Variants in CFAP54 observed in about 807,000 individuals in gnomAD.
CFAP54 encodes cilia- and flagella-associated protein 54.
In CFAP54, 290 loss-of-function variants were observed where a neutral mutation model predicts 370.4. The ratio of observed to expected loss-of-function variants is 0.78; its 90% CI spans 0.71 to 0.86. CFAP54 has a LOEUF of 0.86. Among genes scored for constraint, CFAP54 ranks in the 40% least tolerant of loss-of-function variants. CFAP54 has a pLI of 0.00. For synonymous variants in CFAP54, 1,206 were observed against 1,236.5 expected (o/e 0.98, Z 0.52); for missense variants, 3,399 against 3,528.7 (o/e 0.96, Z 0.93).
Position 96,689,872 on chromosome 12 carries a change from GAA to G in CFAP54, c.6081+891_6081+892del, listed in dbSNP as rs1045367827. On this transcript the variant is annotated intron_variant, in intron 43 of 67. Transcript: ENST00000524981. Reference sequence around the variant, plus strand: ...GGGCACTCTTGTTCTGTGTATCAGAGAAGTCTCACAGCTTATGAAATCTAAAT... The same window carrying G: ...GGGCACTCTTGTTCTGTGTATCAGAGGTCTCACAGCTTATGAAATCTAAAT... 6.1e-4 allele frequency among the ~76,000 whole-genome samples: 93 copies of G among 152,280 alleles called. 1 individual carries two copies. The highest frequency in any genetic ancestry group is 2.0e-3 in the African/African-American group (83 of 41,560).
Position 96,621,875 on chromosome 12 carries a change from G to GT in CFAP54, c.3771+186dup, listed in dbSNP as rs71068819. Among the ~76,000 whole-genome samples, 235 of 50,008 alleles carry GT rather than the reference G, an allele frequency of 4.7e-3. 11 individuals are homozygous for GT. Among genetic ancestry groups the GT allele is most frequent in the South Asian group, 0.018 (15 of 838 alleles). 32.8% of individuals were successfully genotyped at this position (50,008 alleles called of 152,430 possible). On this transcript the variant is annotated intron_variant, in intron 27 of 67. Transcript: ENST00000524981. The stretch of plus-strand genomic sequence containing the variant: ...ATTATAGTAAAGAGCTTTTGGGTTT[G>GT]TTTTTTTTTTTTTTTTTTTTTTTTT...
At chr12:96,656,796 C>T (rs1047866007) in intron 36 of CFAP54, among the ~76,000 whole-genome samples, 5 of 152,236 alleles carry the variant, frequency 3.3e-5, no homozygotes, top group African/African-American at 1.2e-4. Context: ...CACATCTGTG[C>T]TTCTAGAAGA....
chr12:96,741,406 ACCT>A (rs1297845967), intron 51 of CFAP54, among the ~76,000 whole-genome samples: 4 of 151,996 alleles, frequency 2.6e-5, no homozygotes, highest in Non-Finnish European at 4.4e-5. Flanking sequence ...CAGGTTATTC[ACCT>A]GCCTTGGCCT....
intron 39 of CFAP54, among the ~76,000 whole-genome samples, chr12:96,668,609 T>C (rs560409776): frequency 4.6e-5 from 7 of 152,324 alleles, no homozygotes; most frequent in Admixed American, 2.6e-4. Flanking sequence ...ATGGGGATTA[T>C]GGGAGCTACA....
intron 26 of CFAP54, among the ~76,000 whole-genome samples, chr12:96,619,804 A>G (rs1367254207): frequency 2.0e-5 from 3 of 152,160 alleles, no homozygotes; most frequent in African/African-American, 2.4e-5. Flanking sequence ...GCTCAATTCT[A>G]TTTCCTTATA....
chr12:96,855,173 C>T (rs560742230), intron 66 of CFAP54, among the ~76,000 whole-genome samples: 3 of 152,212 alleles, frequency 2.0e-5, no homozygotes, highest in African/African-American at 7.2e-5. Context: ...ATGGTAACTG[C>T]CCCCATGATT....
chr12:96,566,577 G>T (rs1955867317), intron 19 of CFAP54, among the ~76,000 whole-genome samples: 1 of 152,126 alleles, frequency 6.6e-6, no homozygotes, highest in Non-Finnish European at 1.5e-5. Flanking sequence ...AGGCATGAAG[G>T]CATTTAAAGA....
intron 14 of CFAP54, among the ~76,000 whole-genome samples, chr12:96,543,287 G>T (rs1040655865): frequency 1.3e-5 from 2 of 152,334 alleles, no homozygotes; most frequent in Middle Eastern, 3.4e-3. Context: ...AAGCACAGTG[G>T]AGAAGTGAGA....
chr12:96,847,795 A>T (rs1026390405), intron 66 of CFAP54, among the ~76,000 whole-genome samples: 7 of 152,194 alleles, frequency 4.6e-5, no homozygotes, highest in Non-Finnish European at 1.0e-4. Flanking sequence ...TTGTCTGTGC[A>T]TGTGGGATGA....
chr12:96,735,527 G>A (rs567136878), intron 50 of CFAP54, among the ~76,000 whole-genome samples: 2 of 152,308 alleles, frequency 1.3e-5, no homozygotes, highest in African/African-American at 4.8e-5. Flanking sequence ...AAAATGACTG[G>A]TGGTGGGCAC....
intron 26 of CFAP54, among the ~76,000 whole-genome samples, chr12:96,610,342 A>G (rs1400997403): frequency 1.3e-5 from 2 of 152,188 alleles, no homozygotes; most frequent in Non-Finnish European, 2.9e-5. Flanking sequence ...GGATATTTAT[A>G]TGGCCTTGGA....
intron 67 of CFAP54, among the ~76,000 whole-genome samples, chr12:96,864,972 A>T (rs574805191): frequency 1.2e-3 from 181 of 152,304 alleles, no homozygotes; most frequent in African/African-American, 4.1e-3. Context: ...ATTTAATATT[A>T]TCTATGTGTG....
rs1345568766 is a variant in CFAP54, at chr12:96,630,622, G to A, written c.4287G>A (p.Pro1429=). 26 of 1,495,524 alleles carry A rather than the reference G, an allele frequency of 1.7e-5. No homozygotes were observed. Among genetic ancestry groups the A allele is most frequent in the East Asian group, 5.1e-5 (2 of 39,590 alleles). 92.6% of individuals were successfully genotyped at this position (1,495,524 alleles called of 1,614,324 possible). Residue 1429 remains proline, a synonymous_variant, in exon 32 of 68, where the codon CCG becomes CCA. Coordinates refer to ENST00000524981, the MANE Select transcript of CFAP54 (RefSeq NM_001306084.2). ...TAAGAGATTTCATTTTTAAAAATCC[G>A]GCTATTTCTGAAATGGTGGCACATG... ...ETLRDFIFKN[P]AISEMVAHER...
intron 60 of CFAP54, among the ~76,000 whole-genome samples, chr12:96,768,694 CA>C (rs1354290573): frequency 6.6e-6 from 1 of 151,862 alleles, no homozygotes; most frequent in African/African-American, 2.4e-5. Context: ...CAAAACAAAA[CA>C]AAAACAAAAA....
At chr12:96,613,332 A>G (rs893838387) in intron 26 of CFAP54, among the ~76,000 whole-genome samples, 5 of 152,222 alleles carry the variant, frequency 3.3e-5, no homozygotes, top group Non-Finnish European at 7.4e-5. Flanking sequence ...GAGAACATAG[A>G]CACAACATAC....
At chr12:96,810,935 C>T (rs781607123) in intron 63 of CFAP54, among the ~76,000 whole-genome samples, 2 of 152,076 alleles carry the variant, frequency 1.3e-5, no homozygotes, top group Non-Finnish European at 2.9e-5. Flanking sequence ...CAGGCAGATA[C>T]GGGAACCTCC....
rs116329914 is a variant in CFAP54, at chr12:96,621,975, G to A, written c.3771+254G>A. On this transcript the variant is annotated intron_variant, in intron 27 of 67. Transcript: ENST00000524981. ...CTGAATAGTCCCCATCACCAGTCCCGACCATCAGTTAATGATGATAGAGAG... is the reference window on the plus strand; with the variant it reads ...CTGAATAGTCCCCATCACCAGTCCCAACCATCAGTTAATGATGATAGAGAG... Among the ~76,000 whole-genome samples, 688 of 127,528 alleles carry A rather than the reference G, an allele frequency of 5.4e-3. 4 individuals are homozygous for A. The highest frequency in any genetic ancestry group is 0.019 in the African/African-American group (651 of 33,836). 83.7% of individuals were successfully genotyped at this position (127,528 alleles called of 152,430 possible). A position where few individuals can be genotyped will look rare whatever the true frequency, so the allele number is the denominator to read the frequency against.
intron 50 of CFAP54, among the ~76,000 whole-genome samples, chr12:96,727,050 A>G (rs1220306101): frequency 6.6e-6 from 1 of 152,126 alleles, no homozygotes; most frequent in African/African-American, 2.4e-5. Flanking sequence ...ACAGTTTGTT[A>G]TAATTTCTGT....
chr12:96,865,562 T>C (rs1344485245), intron 67 of CFAP54, among the ~76,000 whole-genome samples: 1 of 152,156 alleles, frequency 6.6e-6, no homozygotes, highest in East Asian at 1.9e-4. Context: ...GGATGAAATC[T>C]AGGGAAAATG....
Sources: allele counts gnomAD v4.1 joint callset (sites outside exome capture counted in the v4.1 genomes callset), GRCh38; gene constraint gnomAD v4.1.1; transcripts MANE v1.5; gene names NCBI Gene and HGNC (gene_info 2026-07-23, HGNC 2026-07-21).